DGKI: variants seen among roughly 807,000 people sequenced by gnomAD.
DGKI encodes diacylglycerol kinase iota, also known as DAG kinase iota.
In DGKI, 55 loss-of-function variants were observed where a neutral mutation model predicts 147.5. The ratio of observed to expected loss-of-function variants is 0.37; its 90% CI spans 0.30 to 0.47. The LOEUF (loss-of-function observed/expected upper bound fraction) is 0.47. Ranked by LOEUF, DGKI falls within the 20% of genes least tolerant of loss-of-function variation. The pLI, the probability that DGKI is intolerant of heterozygous loss-of-function variation, is 1.00. For missense variants in DGKI, 1,007 were observed against 1,323.8 expected, an observed-to-expected ratio of 0.76 and a Z score of 3.71; for synonymous variants, 469 against 477.1, an observed-to-expected ratio of 0.98 and a Z score of 0.22.
In DGKI at chr7:137,715,283, C is replaced by T. The variant is rs547526986; in HGVS notation, c.402-25281G>A. On this transcript the variant is annotated intron_variant, in intron 1 of 32. Transcript: ENST00000614521. ...AGTGAGATCAACTCTTCTCAGTCCA[C>T]TGTATAAGTCACCAGCCAAGCTTGG... 5.9e-5 allele frequency among the ~76,000 whole-genome samples: 9 copies of T among 152,334 alleles called. No homozygotes were observed. The South Asian group carries it at 1.5e-3, about 25-fold the overall frequency.
chr7:137,649,045 C>A (rs1295650622), intron 5 of DGKI, among the ~76,000 whole-genome samples: 1 of 152,050 alleles, frequency 6.6e-6, no homozygotes, highest in Admixed American at 6.6e-5. Flanking sequence ...GTCCAGCATC[C>A]TTCTGTTCAG....
chr7:137,765,247 C>A, intron 1 of DGKI, among the ~76,000 whole-genome samples: 1 of 152,170 alleles, frequency 6.6e-6, no homozygotes, highest in East Asian at 1.9e-4. Flanking sequence ...TCTTTCTCTA[C>A]CAGAACTACT....
In DGKI at chr7:137,496,336, C is replaced by T. The variant is rs1336109392; in HGVS notation, c.2249-8647G>A. Among the ~76,000 whole-genome samples, 4 of 152,034 alleles carry T rather than the reference C, an allele frequency of 2.6e-5. No individual in the cohort carries two copies. The East Asian group carries it at 5.8e-4, about 22-fold the overall frequency. On this transcript the variant is annotated intron_variant, in intron 21 of 32. Transcript: ENST00000614521. ...GACACAAACAAATAGAAAAACATTCCATGCTCATGGATAGGAAGAATCAAT... is the reference window on the plus strand; with the variant it reads ...GACACAAACAAATAGAAAAACATTCTATGCTCATGGATAGGAAGAATCAAT...
chr7:137,464,151 T>A (rs1187098817), intron 26 of DGKI, among the ~76,000 whole-genome samples: 2 of 147,164 alleles, frequency 1.4e-5, no homozygotes, highest in Non-Finnish European at 3.0e-5. Context: ...CAGCTACCCA[T>A]GAGGCTGAGG....
chr7:137,548,434 C>G (rs992643475), intron 20 of DGKI, among the ~76,000 whole-genome samples: 1 of 152,040 alleles, frequency 6.6e-6, no homozygotes, highest in Non-Finnish European at 1.5e-5. Flanking sequence ...CTGGTGCCCT[C>G]CTTGAGGTAG....
intron 1 of DGKI, among the ~76,000 whole-genome samples, chr7:137,719,147 T>C (rs1222949226): frequency 6.6e-6 from 1 of 152,106 alleles, no homozygotes; most frequent in Non-Finnish European, 1.5e-5. Context: ...ACAGTCTACC[T>C]AGGAGTCTCT....
intron 1 of DGKI, among the ~76,000 whole-genome samples, chr7:137,758,694 T>TAATA (rs199669314): frequency 2.0e-5 from 3 of 151,340 alleles, no homozygotes; most frequent in African/African-American, 7.3e-5. Context: ...TCAAAAATAA[T>TAATA]AATAAATAAA....
intron 3 of DGKI, among the ~76,000 whole-genome samples, chr7:137,664,525 G>A (rs560777379): frequency 6.6e-6 from 1 of 152,278 alleles, no homozygotes; most frequent in Non-Finnish European, 1.5e-5. Flanking sequence ...GGACCCACAG[G>A]ACTATCTGAT....
intron 1 of DGKI, among the ~76,000 whole-genome samples, chr7:137,844,620 GTTA>G (rs781684280): frequency 2.0e-5 from 3 of 152,200 alleles, no homozygotes; most frequent in Non-Finnish European, 2.9e-5. Context: ...CAGACGCAAT[GTTA>G]TTATTCTTCT....
chr7:137,655,537 T>C (rs2116249617), intron 4 of DGKI, among the ~76,000 whole-genome samples: 1 of 152,348 alleles, frequency 6.6e-6, no homozygotes, highest in South Asian at 2.1e-4. Context: ...ACTGCTTTTC[T>C]TTTAGATGTG....
At chr7:137,585,141 G>GA (rs1474261643) in intron 14 of DGKI, 68 bp downstream of exon 14, 30 of 1,578,952 alleles carry the variant, frequency 1.9e-5, no homozygotes, top group Non-Finnish European at 2.5e-5. Flanking sequence ...CTCCAGCCAG[G>GA]ATTTTTTTTC....
chr7:137,773,218 A>C (rs1399427454), intron 1 of DGKI, among the ~76,000 whole-genome samples: 2 of 152,232 alleles, frequency 1.3e-5, no homozygotes, highest in Non-Finnish European at 2.9e-5. Context: ...AATGGGATTT[A>C]TTTCATATTA....
intron 1 of DGKI, among the ~76,000 whole-genome samples, chr7:137,827,900 A>G (rs1214108261): frequency 2.0e-5 from 3 of 152,302 alleles, no homozygotes; most frequent in East Asian, 3.9e-4. Flanking sequence ...TCTCCATTCA[A>G]TCAATGACAT....
rs189161652 is a variant in DGKI at position 137,717,362 on chromosome 7, T to C, written c.402-27360A>G. ...TTTTTTCTTTGTGACTTACAAGAAA[T>C]TAGAACTCTATTTAAAGTGAGTAAT... On this transcript the variant is annotated intron_variant, in intron 1 of 32. Coordinates refer to ENST00000614521, the MANE Select transcript of DGKI (RefSeq NM_001321708.2). Among the ~76,000 whole-genome samples, 233 of 152,224 alleles carry C rather than the reference T, an allele frequency of 1.5e-3. 1 individual carries two copies. Among genetic ancestry groups the C allele is most frequent in the Non-Finnish European group, 2.9e-4 (20 of 68,018 alleles).
chr7:137,678,539 G>A lies in DGKI; in HGVS notation c.606+18C>T, dbSNP rs1563146287. On this transcript the variant is annotated intron_variant, in intron 3 of 32. Coordinates refer to ENST00000614521, the MANE Select transcript of DGKI (RefSeq NM_001321708.2). ...AGATCCACAGGCCTTCCCCCAGCAA[G>A]ACGGAGCGCACACTCACTGCAAATC... 1.9e-6 allele frequency: 3 copies of A among 1,612,842 alleles called. No individual in the cohort carries two copies. Among genetic ancestry groups the A allele is most frequent in the Non-Finnish European group, 2.5e-6 (3 of 1,178,916 alleles).
intron 3 of DGKI, among the ~76,000 whole-genome samples, chr7:137,668,636 G>C (rs1822729842): frequency 6.6e-6 from 1 of 152,200 alleles, no homozygotes; most frequent in Non-Finnish European, 1.5e-5. Context: ...GCTAAATGGA[G>C]CTTATGCTGT....
intron 27 of DGKI, 85 bp from the exon 28 acceptor site, chr7:137,444,187 CAAATT>C: frequency 1.2e-6 from 1 of 835,386 alleles, no homozygotes; most frequent in South Asian, 1.8e-5. Flanking sequence ...ATTTTACCCT[CAAATT>C]GAATTAAATG....
intron 1 of DGKI, among the ~76,000 whole-genome samples, chr7:137,692,845 C>T (rs1275553821): frequency 6.6e-6 from 1 of 152,086 alleles, no homozygotes; most frequent in Non-Finnish European, 1.5e-5. Context: ...TGTCTACACA[C>T]ATAAACATTA....
At chr7:137,719,063 C>T (rs547325851) in intron 1 of DGKI, among the ~76,000 whole-genome samples, 3 of 152,128 alleles carry the variant, frequency 2.0e-5, no homozygotes, top group Non-Finnish European at 4.4e-5. Flanking sequence ...TCATACCCAC[C>T]TTTAATAGAT....
Sources: gnomAD v4.1 joint callset for allele counts (sites outside exome capture counted in the v4.1 genomes callset) on GRCh38, gnomAD v4.1.1 for gene constraint, MANE v1.5 for transcripts, NCBI Gene and HGNC (gene_info 2026-07-23, HGNC 2026-07-21) for gene names.